The following ADGRB3 variants were observed in gnomAD, a reference collection of about 807,000 sequenced individuals.
ADGRB3 encodes the protein adhesion G protein-coupled receptor B3.
In ADGRB3, 37 loss-of-function variants were observed where a neutral mutation model predicts 193.4. The ratio of observed to expected loss-of-function variants is 0.19; its 90% CI spans 0.15 to 0.25. The LOEUF is 0.25. ADGRB3 is among the 10% of genes least tolerant of loss of function. ADGRB3 has a pLI of 1.00. For missense variants in ADGRB3, 1,637 were observed against 1,852.9 expected, an observed-to-expected ratio of 0.88 and a Z score of 2.14; for synonymous variants, 690 against 644.2, an observed-to-expected ratio of 1.07 and a Z score of -1.08.
At chr6:69,300,422 A>G (rs1485544691) in intron 20 of ADGRB3, among the ~76,000 whole-genome samples, 2 of 151,796 alleles carry the variant, frequency 1.3e-5, no homozygotes, top group Non-Finnish European at 2.9e-5. Context: ...AAGTATGCCC[A>G]CTTTTACAAC....
intron 17 of ADGRB3, among the ~76,000 whole-genome samples, chr6:69,095,261 C>T (rs1026183270): frequency 5.3e-5 from 8 of 152,176 alleles, no homozygotes; most frequent in African/African-American, 9.6e-5. Context: ...TTTGAAATTT[C>T]TAATTGTTTT....
chr6:69,354,907 T>C (rs953615732), intron 27 of ADGRB3, among the ~76,000 whole-genome samples: 1 of 152,220 alleles, frequency 6.6e-6, no homozygotes, highest in Non-Finnish European at 1.5e-5. Flanking sequence ...TATAACCACT[T>C]TGATGTATTT....
At chr6:69,353,545 G>A (rs1340954680) in intron 26 of ADGRB3, among the ~76,000 whole-genome samples, 1 of 151,322 alleles carries the variant, frequency 6.6e-6, no homozygotes, top group Non-Finnish European at 1.5e-5. Flanking sequence ...ATTTAAAGCT[G>A]TTATGAAGAT....
intron 3 of ADGRB3, among the ~76,000 whole-genome samples, chr6:68,732,759 T>C (rs1582156252): frequency 6.6e-6 from 1 of 152,074 alleles, no homozygotes; most frequent in East Asian, 1.9e-4. Context: ...GATTTCCATA[T>C]TCTGTGGTGA....
chr6:69,085,067 T>C (rs1323771909), intron 17 of ADGRB3, among the ~76,000 whole-genome samples: 1 of 151,974 alleles, frequency 6.6e-6, no homozygotes, highest in African/African-American at 2.4e-5. Context: ...TTCCAGAGTG[T>C]AAAGGAAAAA....
intron 11 of ADGRB3, among the ~76,000 whole-genome samples, chr6:69,003,669 A>G (rs968768697): frequency 6.6e-6 from 1 of 152,200 alleles, no homozygotes; most frequent in Non-Finnish European, 1.5e-5. Flanking sequence ...CTTCCTAGAT[A>G]ATATTTAAAC....
chr6:69,056,121 C>T (rs190168615), intron 15 of ADGRB3, among the ~76,000 whole-genome samples: 161 of 152,172 alleles, frequency 1.1e-3, no homozygotes, highest in African/African-American at 3.5e-3. Context: ...TGAGCCACCC[C>T]GCCCAGCCTG....
intron 3 of ADGRB3, among the ~76,000 whole-genome samples, chr6:68,893,420 A>G (rs1357206162): frequency 6.6e-6 from 1 of 152,042 alleles, no homozygotes; most frequent in East Asian, 1.9e-4. Flanking sequence ...AAAGTTAAAT[A>G]TAAAAAGAAT....
intron 17 of ADGRB3, among the ~76,000 whole-genome samples, chr6:69,151,796 C>G (rs1013031316): frequency 6.6e-6 from 1 of 152,156 alleles, no homozygotes; most frequent in Non-Finnish European, 1.5e-5. Context: ...TTGGCTGTGT[C>G]GCCATCCAAA....
intron 3 of ADGRB3, among the ~76,000 whole-genome samples, chr6:68,662,983 G>C (rs879472632): frequency 1.3e-5 from 2 of 150,714 alleles, no homozygotes; most frequent in African/African-American, 2.4e-5. Flanking sequence ...TGGTTAAATA[G>C]ATAATAACTT....
chr6:68,728,900 T>C (rs1439180247), intron 3 of ADGRB3, among the ~76,000 whole-genome samples: 3 of 151,610 alleles, frequency 2.0e-5, no homozygotes, highest in Non-Finnish European at 4.4e-5. Flanking sequence ...ATTCAGACTG[T>C]ATATTTATCA....
intron 20 of ADGRB3, among the ~76,000 whole-genome samples, chr6:69,242,723 T>C (rs1363531813): frequency 2.6e-5 from 4 of 151,982 alleles, no homozygotes; most frequent in African/African-American, 9.7e-5. Context: ...TATCTTTTCT[T>C]AAAATGCAGT....
intron 3 of ADGRB3, among the ~76,000 whole-genome samples, chr6:68,772,918 T>A (rs867946596): frequency 1.3e-4 from 7 of 53,764 alleles, no homozygotes; most frequent in African/African-American, 5.8e-4. Flanking sequence ...TATATATATA[T>A]ATATATATAT....
Position 68,869,155 on chromosome 6 carries a change from A to G in ADGRB3, c.758-61404A>G, listed in dbSNP as rs183428234. ...TTAATTACAAGATGCTTGCATTTCA[A>G]TTATTCTGCATTTATCACTGCAATT... On this transcript the variant is annotated intron_variant, in intron 3 of 31. Transcript: ENST00000370598. 1.4e-4 allele frequency among the ~76,000 whole-genome samples: 22 copies of G among 152,266 alleles called. No individual in the cohort carries two copies. In the East Asian group the frequency reaches 4.1e-3, roughly 28 times the overall value.
At chr6:68,890,059 C>T (rs1358312914) in intron 3 of ADGRB3, among the ~76,000 whole-genome samples, 1 of 152,124 alleles carries the variant, frequency 6.6e-6, no homozygotes. Flanking sequence ...AACAAAATGT[C>T]AATATTTTCT....
intron 17 of ADGRB3, among the ~76,000 whole-genome samples, chr6:69,078,965 T>C (rs1772312192): frequency 6.6e-6 from 1 of 152,108 alleles, no homozygotes; most frequent in Non-Finnish European, 1.5e-5. Context: ...GTAGGTACAT[T>C]TTCTATCTAA....
chr6:69,160,776 G>T (rs919349931), intron 17 of ADGRB3, among the ~76,000 whole-genome samples: 15 of 152,106 alleles, frequency 9.9e-5, no homozygotes, highest in Non-Finnish European at 1.9e-4. Context: ...TTTGTTGAAT[G>T]AATAAATGAA....
Position 69,381,029 on chromosome 6 carries a change from T to G in ADGRB3, c.4276-1802T>G, listed in dbSNP as rs190087219. 4.6e-5 allele frequency among the ~76,000 whole-genome samples: 7 copies of G among 152,076 alleles called. No homozygotes were observed. In the East Asian group the frequency reaches 1.2e-3, roughly 25 times the overall value. ...CCCAGTCTTCTAACTACAATAGTTT[T>G]TTTTTAAGTGTTCCTTATGACACAA... is the stretch of plus-strand genomic sequence containing the variant. On this transcript the variant is annotated intron_variant, in intron 30 of 31. Transcript: ENST00000370598.
intron 20 of ADGRB3, among the ~76,000 whole-genome samples, chr6:69,324,337 C>T (rs965496542): frequency 1.3e-5 from 2 of 151,990 alleles, no homozygotes; most frequent in Admixed American, 6.6e-5. Context: ...TTAGCCAAAC[C>T]TCATTTTGTA....
Sources: gnomAD v4.1 joint callset for allele counts (sites outside exome capture counted in the v4.1 genomes callset) on GRCh38, gnomAD v4.1.1 for gene constraint, MANE v1.5 for transcripts, NCBI Gene and HGNC (gene_info 2026-07-23, HGNC 2026-07-21) for gene names.